The following ST7 variants were observed in gnomAD, a reference collection of about 807,000 sequenced individuals.
ST7 encodes the protein suppressor of tumorigenicity 7 protein.
ST7 carries 28 observed loss-of-function variants against 78.7 expected under a neutral mutation model. The ratio of observed to expected loss-of-function variants is 0.36; its 90% CI spans 0.26 to 0.49. The LOEUF is 0.49. Ranked by LOEUF, ST7 falls within the 20% of genes least tolerant of loss-of-function variation. The pLI, the probability that ST7 is intolerant of heterozygous loss-of-function variation, is 0.99. For synonymous variants in ST7, 247 were observed against 249.6 expected (o/e 0.99, Z 0.10); for missense variants, 418 against 696.0 (o/e 0.60, Z 4.49).
chr7:117,029,704 G>C (rs1034508006), intron 1 of ST7, among the ~76,000 whole-genome samples: 5 of 151,116 alleles, frequency 3.3e-5, no homozygotes, highest in South Asian at 2.1e-4. Flanking sequence ...TGTGTGCTAT[G>C]ATCCATCTTT....
At chr7:117,042,967 A>T (rs1373671854) in intron 1 of ST7, among the ~76,000 whole-genome samples, 1 of 152,158 alleles carries the variant, frequency 6.6e-6, no homozygotes, top group African/African-American at 2.4e-5. Context: ...ATTGTAATTC[A>T]TACATAATTT....
intron 10 of ST7, among the ~76,000 whole-genome samples, chr7:117,183,280 T>A (rs531929831): frequency 9.2e-5 from 14 of 151,888 alleles, no homozygotes; most frequent in African/African-American, 2.7e-4. Flanking sequence ...ACAAAAATTA[T>A]CCAGGCGTGG....
At chr7:116,960,593 G>T (rs4385396) in intron 1 of ST7, among the ~76,000 whole-genome samples, 2 of 152,116 alleles carry the variant, frequency 1.3e-5, no homozygotes, top group African/African-American at 4.8e-5. Flanking sequence ...AATCTTTCTT[G>T]TACTACTGTG....
chr7:117,121,181 C>T (rs182684973), intron 3 of ST7, among the ~76,000 whole-genome samples: 11 of 152,246 alleles, frequency 7.2e-5, no homozygotes, highest in Non-Finnish European at 1.2e-4. Flanking sequence ...AGTTATCCAC[C>T]ACTGCTCATG....
intron 13 of ST7, among the ~76,000 whole-genome samples, chr7:117,214,991 C>T (rs1224079598): frequency 1.3e-5 from 2 of 150,918 alleles, no homozygotes; most frequent in Non-Finnish European, 3.0e-5. Context: ...CACACACACA[C>T]CTCACATCAG....
chr7:117,230,091 T>C lies in ST7; in HGVS notation c.*234T>C, dbSNP rs547517824. The C allele has an allele frequency of 1.6e-5, 11 of 688,714 alleles. No individual in the cohort carries two copies. In the African/African-American group the frequency reaches 1.9e-4, roughly 12 times the overall value. The allele number at this position is 688,714 out of a possible 1,614,324, so 42.7% of individuals were successfully genotyped here. On this transcript the variant is annotated 3_prime_UTR_variant, in exon 16 of 16. Transcript: ENST00000323984. ...AAGAAAGTCAAAAATAAAACTTTTG[T>C]GTATTACAGCAATCATTTGTATCCT...
At position 116,998,918 on chromosome 7, in the gene ST7, G is replaced by GCA. The variant is rs1468246017; in HGVS notation, c.151+45227_151+45228insCA. Among the ~76,000 whole-genome samples the GCA allele has an allele frequency of 2.0e-5, 3 of 152,298 alleles. No homozygotes were observed. The East Asian group carries it at 5.8e-4, about 29-fold the overall frequency. ...ACAAGCTATCTCTCTGCACTATCAGGGGAAGAATGTTTCAGGCAGAAGGAA... is the reference window on the plus strand; with the variant it reads ...ACAAGCTATCTCTCTGCACTATCAGGCAGGAAGAATGTTTCAGGCAGAAGGAA... On this transcript the variant is annotated intron_variant, in intron 1 of 15. Coordinates refer to ENST00000323984, the MANE Select transcript of ST7 (RefSeq NM_001369598.1).
intron 1 of ST7, among the ~76,000 whole-genome samples, chr7:117,047,357 A>G (rs971558487): frequency 1.3e-5 from 2 of 152,236 alleles, no homozygotes; most frequent in African/African-American, 2.4e-5. Context: ...CGACTTAATT[A>G]CAGGGAGTGA....
intron 1 of ST7, chr7:117,074,560 C>T (rs1042569599): frequency 6.6e-5 from 10 of 152,156 alleles, no homozygotes; most frequent in African/African-American, 2.2e-4. Flanking sequence ...ATGCAATTTA[C>T]AAATATCTGT....
At chr7:117,181,299 A>G (rs1405742006) in intron 10 of ST7, among the ~76,000 whole-genome samples, 2 of 152,222 alleles carry the variant, frequency 1.3e-5, no homozygotes, top group Admixed American at 1.3e-4. Flanking sequence ...GATTTAATGT[A>G]TGACTCTATT....
At chr7:117,088,766 G>A (rs963903707) in intron 1 of ST7, among the ~76,000 whole-genome samples, 1 of 152,150 alleles carries the variant, frequency 6.6e-6, no homozygotes, top group Non-Finnish European at 1.5e-5. Context: ...GCTGTGAAGA[G>A]CCCTTTGGAG....
At chr7:116,997,873 C>T (rs544570268) in intron 1 of ST7, among the ~76,000 whole-genome samples, 1 of 152,248 alleles carries the variant, frequency 6.6e-6, no homozygotes, top group Non-Finnish European at 1.5e-5. Flanking sequence ...TCTACAATCC[C>T]TTAGCTAGAC....
intron 1 of ST7, among the ~76,000 whole-genome samples, chr7:117,092,278 CAAAAAAAAAAAAAAAA>C (rs747378081): frequency 3.3e-5 from 1 of 30,296 alleles, no homozygotes; most frequent in Non-Finnish European, 7.1e-5. Context: ...GACTCCGTCT[CAAAAAAAAAAAAAAAA>C]AAAAAAAAAA....
chr7:117,159,814 AC>A (rs1304819950), intron 9 of ST7, among the ~76,000 whole-genome samples: 10 of 152,122 alleles, frequency 6.6e-5, no homozygotes. Flanking sequence ...AATTGCTGGA[AC>A]CCAGAAGGCG....
At chr7:117,182,948 A>G (rs1329097989) in intron 10 of ST7, among the ~76,000 whole-genome samples, 1 of 152,170 alleles carries the variant, frequency 6.6e-6, no homozygotes, top group Non-Finnish European at 1.5e-5. Context: ...CAATAATCAG[A>G]TTCTGTTTTC....
At chr7:116,959,188 A>G (rs901268749) in intron 1 of ST7, 3 of 469,594 alleles carry the variant, frequency 6.4e-6, no homozygotes, top group Non-Finnish European at 1.3e-5. Context: ...AGTAGATTCT[A>G]TCTCAAAACA....
intron 3 of ST7, among the ~76,000 whole-genome samples, chr7:117,126,388 C>A (rs1224383402): frequency 1.3e-5 from 2 of 151,532 alleles, no homozygotes; most frequent in African/African-American, 4.8e-5. Context: ...GAATTGAGTT[C>A]TCTTCTCTTG....
chr7:117,195,467 A>G (rs1421544419), intron 12 of ST7, among the ~76,000 whole-genome samples: 1 of 152,200 alleles, frequency 6.6e-6, no homozygotes, highest in Non-Finnish European at 1.5e-5. Flanking sequence ...GTCCATTCTC[A>G]TGCTGCAAAT....
At chr7:117,034,505 T>C (rs977716010) in intron 1 of ST7, among the ~76,000 whole-genome samples, 3 of 152,212 alleles carry the variant, frequency 2.0e-5, no homozygotes, top group Admixed American at 6.5e-5. Context: ...AGTATCTTGC[T>C]TATTAAACAC....
Sources: allele counts gnomAD v4.1 joint callset (sites outside exome capture counted in the v4.1 genomes callset), GRCh38; gene constraint gnomAD v4.1.1; transcripts MANE v1.5; gene names NCBI Gene and HGNC (gene_info 2026-07-23, HGNC 2026-07-21).